Variants in NPIPB2 observed in about 807,000 individuals in gnomAD.
The protein encoded by NPIPB2 is nuclear pore complex-interacting protein family member B2.
NPIPB2 carries 27 observed loss-of-function variants against 30.8 expected under a neutral mutation model. That is an observed-to-expected ratio of 0.88 (90% confidence interval 0.65 to 1.21). The LOEUF is 1.21. Among genes scored for constraint, NPIPB2 ranks in the 50% most tolerant of loss-of-function variants. NPIPB2 has a pLI of 0.00. For missense variants in NPIPB2, 440 were observed against 446.2 expected, an observed-to-expected ratio of 0.99 and a Z score of 0.13; for synonymous variants, 147 against 162.0, an observed-to-expected ratio of 0.91 and a Z score of 0.70.
chr16:11,940,353 AAAT>A (rs1228471364), intron 1 of NPIPB2, among the ~76,000 whole-genome samples: 9 of 123,734 alleles, frequency 7.3e-5, no homozygotes, highest in African/African-American at 2.4e-4. Context: ...TGTCTCAAAT[AAAT>A]AAATAAATAA....
intron 1 of NPIPB2, among the ~76,000 whole-genome samples, chr16:11,970,506 C>A (rs1476772073): frequency 6.6e-6 from 1 of 151,598 alleles, no homozygotes; most frequent in Non-Finnish European, 1.5e-5. Flanking sequence ...GGCCACTGCA[C>A]CTGGCCTTCC....
At chr16:11,974,622 A>G (rs570272354) in intron 1 of NPIPB2, among the ~76,000 whole-genome samples, 1 of 152,386 alleles carries the variant, frequency 6.6e-6, no homozygotes, top group Non-Finnish European at 1.5e-5. Flanking sequence ...TACTACCTAC[A>G]GAATTGTTTT....
chr16:11,938,182 C>G lies in NPIPB2; in HGVS notation c.64-514G>C, dbSNP rs554845401. ...TACAGGTCTCTGCCACCATGCCCGA[C>G]TAATTTTTGTATTTTTAGTAGAGAT... On this transcript the variant is annotated intron_variant, in intron 1 of 7. Coordinates refer to ENST00000399147, the Ensembl canonical transcript of NPIPB2. 1.6e-3 allele frequency among the ~76,000 whole-genome samples: 250 copies of G among 152,200 alleles called. 1 individual carries two copies. Among genetic ancestry groups the G allele is most frequent in the African/African-American group, 5.8e-3 (239 of 41,516 alleles).
intron 1 of NPIPB2, among the ~76,000 whole-genome samples, chr16:11,951,487 G>GAA (rs2055062489): frequency 9.3e-6 from 1 of 108,088 alleles, no homozygotes. Context: ...AGAAAGAAAA[G>GAA]AAAAATTAAC....
intron 1 of NPIPB2, among the ~76,000 whole-genome samples, chr16:11,955,905 AG>A (rs1490007833): frequency 6.8e-6 from 1 of 148,080 alleles, no homozygotes; most frequent in Non-Finnish European, 1.5e-5. Context: ...TTTTGCAAAC[AG>A]GAAAAAACCG....
At chr16:11,932,964 A>T (rs1379663961) in intron 4 of NPIPB2, among the ~76,000 whole-genome samples, 6 of 129,004 alleles carry the variant, frequency 4.7e-5, no homozygotes, top group African/African-American at 8.2e-5. Flanking sequence ...TCTCAAAATT[A>T]AAAAAAAAAA....
At chr16:11,956,817 T>C (rs1322936633) in intron 1 of NPIPB2, among the ~76,000 whole-genome samples, 2 of 152,214 alleles carry the variant, frequency 1.3e-5, no homozygotes, top group Non-Finnish European at 1.5e-5. Flanking sequence ...TGGCAGGCTC[T>C]CACTCTCCAT....
At chr16:11,965,386 G>C (rs756893990) in intron 1 of NPIPB2, 7 of 1,614,044 alleles carry the variant, frequency 4.3e-6, no homozygotes, top group Non-Finnish European at 5.1e-6. Flanking sequence ...TTGCATGCTT[G>C]CATACCTTGT....
intron 1 of NPIPB2, chr16:11,968,108 A>T: frequency 2.6e-6 from 1 of 386,630 alleles, no homozygotes; most frequent in Non-Finnish European, 4.7e-6. Flanking sequence ...AAAAACAAGC[A>T]TGTATACCAG....
intron 1 of NPIPB2, chr16:11,966,143 T>C: frequency 6.7e-7 from 1 of 1,495,236 alleles, no homozygotes; most frequent in African/African-American, 1.4e-5. Context: ...CAATAAAGTA[T>C]GTGAATATTA....
At chr16:11,931,182 TAG>T (rs1351460354) in intron 4 of NPIPB2, among the ~76,000 whole-genome samples, 1 of 150,028 alleles carries the variant, frequency 6.7e-6, no homozygotes, top group Non-Finnish European at 1.5e-5. Context: ...TCTATTGAAT[TAG>T]AAATGATCGG....
chr16:11,942,499 C>T (rs1045694070), upstream of NPIPB2, among the ~76,000 whole-genome samples: 17 of 150,966 alleles, frequency 1.1e-4, no homozygotes, highest in Admixed American at 8.6e-4. Context: ...TTTTAACATC[C>T]GAAACCGAGT....
upstream of NPIPB2, among the ~76,000 whole-genome samples, chr16:11,942,706 C>T (rs981068264): frequency 6.6e-6 from 1 of 151,292 alleles, no homozygotes; most frequent in Non-Finnish European, 1.5e-5. Flanking sequence ...GAGGGCTTGG[C>T]AGCATCATGT....
chr16:11,962,547 G>A (rs1039005789), intron 1 of NPIPB2, among the ~76,000 whole-genome samples: 1 of 149,376 alleles, frequency 6.7e-6, no homozygotes, highest in East Asian at 2.0e-4. Flanking sequence ...GGGAGTCGGA[G>A]CTTGCAGTGA....
chr16:11,968,180 T>C, intron 1 of NPIPB2: 1 of 252,810 alleles, frequency 4.0e-6, no homozygotes. Context: ...CTATTGATAA[T>C]AAAGCTCCAG....
intron 1 of NPIPB2, among the ~76,000 whole-genome samples, chr16:11,958,572 A>G (rs1164205069): frequency 6.6e-6 from 1 of 151,956 alleles, no homozygotes; most frequent in Non-Finnish European, 1.5e-5. Flanking sequence ...CTTTGCAAAA[A>G]ATAAAGTTAA....
At chr16:11,934,553 CAAAAAA>C (rs1184843851) in intron 2 of NPIPB2, among the ~76,000 whole-genome samples, 20 of 73,018 alleles carry the variant, frequency 2.7e-4, no homozygotes, top group Admixed American at 1.0e-3. Context: ...AACTCTGTCT[CAAAAAA>C]AAAAAAAAAA....
intron 1 of NPIPB2, among the ~76,000 whole-genome samples, chr16:11,954,640 G>T (rs1257333922): frequency 6.6e-6 from 1 of 152,128 alleles, no homozygotes; most frequent in Non-Finnish European, 1.5e-5. Flanking sequence ...GGCTGTGGTG[G>T]CTCACGCCTC....
At position 11,948,485 on chromosome 16, in the gene NPIPB2, T is replaced by C. The variant is rs188739986; in HGVS notation, c.-583-6371A>G. 2.1e-3 allele frequency among the ~76,000 whole-genome samples: 324 copies of C among 151,986 alleles called. 1 individual carries two copies. Among genetic ancestry groups the C allele is most frequent in the Non-Finnish European group, 1.7e-3 (117 of 67,900 alleles). On this transcript the variant is annotated intron_variant, in intron 1 of 5. Transcript: ENST00000538896. ...CTGTGGAGTGTGTAAAATGGAAACT[T>C]ACTGGGCGCAGTGGCTCACACCTGT... is the stretch of plus-strand genomic sequence containing the variant.
Sources: gnomAD v4.1 joint callset for allele counts (sites outside exome capture counted in the v4.1 genomes callset) on GRCh38, gnomAD v4.1.1 for gene constraint, MANE v1.5 for transcripts, NCBI Gene and HGNC (gene_info 2026-07-23, HGNC 2026-07-21) for gene names.